The following SIK2 variants were observed in gnomAD, a reference collection of about 807,000 sequenced individuals.
SIK2 encodes salt inducible kinase 2.
In SIK2, 29 loss-of-function variants were observed where a neutral mutation model predicts 103.2. The observed-to-expected ratio is 0.28, with a 90% confidence interval of 0.21 to 0.38. The LOEUF (loss-of-function observed/expected upper bound fraction) is 0.38, where lower values mean the gene tolerates loss of function less well. SIK2 is among the 10% of genes least tolerant of loss of function. The probability of loss-of-function intolerance (pLI) is 1.00; values close to 1 mark genes in which losing one functional copy is unlikely to be tolerated. For missense variants in SIK2, 879 were observed against 1,171.0 expected, an observed-to-expected ratio of 0.75 and a Z score of 3.64; for synonymous variants, 412 against 446.1, an observed-to-expected ratio of 0.92 and a Z score of 0.96.
rs560019393 is a variant in SIK2, at chr11:111,610,167, G to T, written c.136-6076G>T. On this transcript the variant is annotated intron_variant, in intron 1 of 14. Transcript: ENST00000304987. ...TAAATGAGATTAGTATTTCTTTTAT[G>T]AGAAGTTAATTTGTTTTTCTAAAAT... is the stretch of plus-strand genomic sequence containing the variant. Among the ~76,000 whole-genome samples the T allele has an allele frequency of 2.6e-5, 4 of 152,222 alleles. No individual in the cohort carries two copies. In the South Asian group the frequency reaches 8.3e-4, roughly 32 times the overall value.
At chr11:111,678,835 C>T (rs1202789538) in intron 3 of SIK2, among the ~76,000 whole-genome samples, 1 of 152,130 alleles carries the variant, frequency 6.6e-6, no homozygotes, top group Non-Finnish European at 1.5e-5. Flanking sequence ...AATAAAACCC[C>T]CTTTAAGGGT....
rs1943989563 is a variant in SIK2, at chr11:111,726,966, TAGTC to T, written c.*2838_*2841del. The T allele has an allele frequency of 6.2e-7, 1 of 1,613,426 alleles. No individual in the cohort carries two copies. Among genetic ancestry groups the T allele is most frequent in the African/African-American group, 1.3e-5 (1 of 75,028 alleles). Reference sequence around the variant, plus strand: ...TGTTCTTTTTTTAAATCTGGGGTATTAGTCTGTGCTTTGGGAGAAATGCACTAGC... The same window carrying T: ...TGTTCTTTTTTTAAATCTGGGGTATTTGTGCTTTGGGAGAAATGCACTAGC... On this transcript the variant is annotated 3_prime_UTR_variant, in exon 15 of 15. Coordinates refer to ENST00000304987, the MANE Select transcript of SIK2 (RefSeq NM_015191.3).
In SIK2 at chr11:111,727,267, T is replaced by C. The variant is rs1944003673; in HGVS notation, c.*3138T>C. The C allele has an allele frequency of 6.7e-6, 4 of 594,524 alleles. No individual in the cohort carries two copies. Among genetic ancestry groups the C allele is most frequent in the Admixed American group, 2.9e-5 (1 of 34,190 alleles). 36.8% of individuals were successfully genotyped at this position (594,524 alleles called of 1,614,324 possible). A position where few individuals can be genotyped will look rare whatever the true frequency, so the allele number is the denominator to read the frequency against. On this transcript the variant is annotated 3_prime_UTR_variant, in exon 15 of 15. Transcript: ENST00000304987. Reference sequence around the variant, plus strand: ...TCAGGGCCCACCAGGGGAGTGGGGATGGGGCTCAGGGGCTGTTCATGCCCA... The same window carrying C: ...TCAGGGCCCACCAGGGGAGTGGGGACGGGGCTCAGGGGCTGTTCATGCCCA...
intron 4 of SIK2, among the ~76,000 whole-genome samples, chr11:111,693,524 C>T (rs1464973828): frequency 6.6e-6 from 1 of 152,118 alleles, no homozygotes. Flanking sequence ...CCTGTTTTGG[C>T]CCTGGCTGTT....
intron 3 of SIK2, among the ~76,000 whole-genome samples, chr11:111,648,899 G>A (rs1440578253): frequency 6.6e-6 from 1 of 152,074 alleles, no homozygotes; most frequent in Non-Finnish European, 1.5e-5. Context: ...TTAGCATGTA[G>A]ATCTTTTGGA....
intron 3 of SIK2, among the ~76,000 whole-genome samples, chr11:111,654,871 T>C (rs999156534): frequency 2.6e-5 from 4 of 152,214 alleles, no homozygotes; most frequent in Non-Finnish European, 4.4e-5. Flanking sequence ...GACTATGTTT[T>C]AAATGAGGTG....
intron 3 of SIK2, among the ~76,000 whole-genome samples, chr11:111,656,023 CAAAAA>C (rs11337076): frequency 8.2e-6 from 1 of 121,928 alleles, no homozygotes. Context: ...ACTAAAAATG[CAAAAA>C]AAAAAAAAAA....
intron 3 of SIK2, among the ~76,000 whole-genome samples, chr11:111,674,052 C>T (rs984556468): frequency 3.9e-4 from 55 of 141,206 alleles, no homozygotes; most frequent in Non-Finnish European, 3.0e-5. Context: ...CCAAACTGGG[C>T]GACAGAGCAA....
At chr11:111,614,377 C>T (rs1027578836) in intron 1 of SIK2, among the ~76,000 whole-genome samples, 2 of 152,134 alleles carry the variant, frequency 1.3e-5, no homozygotes, top group Non-Finnish European at 2.9e-5. Context: ...AGCCACAGCG[C>T]CCAGCCTGAC....
chr11:111,603,030 C>T (rs1376989987), intron 1 of SIK2, among the ~76,000 whole-genome samples: 4 of 151,816 alleles, frequency 2.6e-5, no homozygotes, highest in Non-Finnish European at 5.9e-5. Flanking sequence ...GGCCTCCGCT[C>T]CGGAGCCCAA....
intron 1 of SIK2, among the ~76,000 whole-genome samples, chr11:111,603,359 A>T (rs1385624935): frequency 2.0e-5 from 3 of 152,120 alleles, no homozygotes; most frequent in African/African-American, 4.8e-5. Flanking sequence ...CAGACAATAG[A>T]ACTGGTTAAA....
intron 3 of SIK2, among the ~76,000 whole-genome samples, chr11:111,667,934 A>G (rs919483157): frequency 6.6e-6 from 1 of 152,196 alleles, no homozygotes; most frequent in African/African-American, 2.4e-5. Flanking sequence ...CGAGAATGAC[A>G]TTTCAAGCTA....
chr11:111,631,126 G>T (rs149921514), intron 3 of SIK2, among the ~76,000 whole-genome samples: 1 of 152,304 alleles, frequency 6.6e-6, no homozygotes, highest in South Asian at 2.1e-4. Context: ...CATTGGTGCA[G>T]TTACAATGAT....
rs923060357 is a variant in SIK2, at chr11:111,725,005, G to A, written c.*876G>A. On this transcript the variant is annotated 3_prime_UTR_variant, in exon 15 of 15. Transcript: ENST00000304987. ...GGCTTGCGGGCAGTCGGTCTCCAGG[G>A]TACCTGTTGTCTCTTTTCCGATGTA... 1.3e-5 allele frequency: 2 copies of A among 152,536 alleles called. No homozygotes were observed. Among genetic ancestry groups the A allele is most frequent in the South Asian group, 2.1e-4 (1 of 4,826 alleles). 9.4% of individuals were successfully genotyped at this position (152,536 alleles called of 1,614,324 possible).
At chr11:111,607,378 A>G (rs1941662324) in intron 1 of SIK2, among the ~76,000 whole-genome samples, 1 of 152,258 alleles carries the variant, frequency 6.6e-6, no homozygotes, top group Admixed American at 6.5e-5. Flanking sequence ...TTAAGGTATT[A>G]AAATTGCATT....
intron 1 of SIK2, among the ~76,000 whole-genome samples, chr11:111,604,808 AAT>A (rs1324607385): frequency 6.6e-6 from 1 of 152,176 alleles, no homozygotes; most frequent in Admixed American, 6.5e-5. Flanking sequence ...TATAAAAAGA[AAT>A]AGTGTGAATT....
chr11:111,695,667 C>G (rs1052900795), intron 4 of SIK2, among the ~76,000 whole-genome samples: 1 of 152,216 alleles, frequency 6.6e-6, no homozygotes, highest in Non-Finnish European at 1.5e-5. Flanking sequence ...GAGGCCCATC[C>G]CTAAATGTAC....
In SIK2 at chr11:111,726,864, G is replaced by A. The variant is rs886779715; in HGVS notation, c.*2735G>A. 14 of 1,053,736 alleles carry A rather than the reference G, an allele frequency of 1.3e-5. No individual in the cohort carries two copies. Among genetic ancestry groups the A allele is most frequent in the Admixed American group, 4.0e-5 (2 of 49,734 alleles). The allele number at this position is 1,053,736 out of a possible 1,614,324, so 65.3% of individuals were successfully genotyped here. On this transcript the variant is annotated 3_prime_UTR_variant, in exon 15 of 15. Coordinates refer to ENST00000304987, the MANE Select transcript of SIK2 (RefSeq NM_015191.3). ...ACCCTGTAAACCAGGCTCCTCTGAA[G>A]AGACTTTGGTGAGATGAACGTGAGG...
intron 3 of SIK2, among the ~76,000 whole-genome samples, chr11:111,655,435 C>G (rs1942379680): frequency 6.6e-6 from 1 of 152,162 alleles, no homozygotes; most frequent in Non-Finnish European, 1.5e-5. Context: ...GTTTCTCTTC[C>G]TTTGTTTGCC....
Sources: gnomAD v4.1 joint callset for allele counts (sites outside exome capture counted in the v4.1 genomes callset) on GRCh38, gnomAD v4.1.1 for gene constraint, MANE v1.5 for transcripts, NCBI Gene and HGNC (gene_info 2026-07-23, HGNC 2026-07-21) for gene names.